The following AK5 variants were observed in gnomAD, a reference collection of about 807,000 sequenced individuals.
The protein encoded by AK5 is adenylate kinase isoenzyme 5.
In AK5, 27 loss-of-function variants were observed where a neutral mutation model predicts 69.5. The observed-to-expected ratio is 0.39, with a 90% confidence interval of 0.29 to 0.54. The LOEUF is 0.54. Ranked by LOEUF, AK5 falls within the 20% of genes least tolerant of loss-of-function variation. The pLI is 0.71. For synonymous variants in AK5, 260 were observed against 244.4 expected (o/e 1.06, Z -0.60); for missense variants, 531 against 700.4 (o/e 0.76, Z 2.73).
chr1:77,550,890 C>T (rs1487120870), intron 13 of AK5, among the ~76,000 whole-genome samples: 3 of 152,276 alleles, frequency 2.0e-5, no homozygotes, highest in East Asian at 3.9e-4. Flanking sequence ...TAAAAATACA[C>T]TTCAGGCCAG....
chr1:77,297,256 G>GA (rs1418378230), intron 3 of AK5, among the ~76,000 whole-genome samples: 3 of 152,116 alleles, frequency 2.0e-5, no homozygotes, highest in Non-Finnish European at 4.4e-5. Flanking sequence ...ATTTTACATA[G>GA]AAAAAAGTCA....
intron 10 of AK5, 124 bp downstream of exon 10, chr1:77,486,476 A>G (rs1441520891): frequency 1.7e-6 from 1 of 584,000 alleles, no homozygotes; most frequent in Admixed American, 3.2e-5. Flanking sequence ...CGGGCAGATC[A>G]CGAGGTCAGG....
intron 8 of AK5, among the ~76,000 whole-genome samples, chr1:77,462,236 C>T (rs1653884979): frequency 6.6e-6 from 1 of 152,212 alleles, no homozygotes; most frequent in Non-Finnish European, 1.5e-5. Flanking sequence ...AAGGAACCCT[C>T]TCACTGCCTT....
At chr1:77,307,226 G>A (rs1333770883) in intron 5 of AK5, among the ~76,000 whole-genome samples, 2 of 151,132 alleles carry the variant, frequency 1.3e-5, no homozygotes, top group African/African-American at 2.4e-5. Flanking sequence ...TTTGATGTAG[G>A]CACTTATAGC....
rs375886572 is a variant in AK5 at position 77,455,322 on chromosome 1, G to T, written c.1060-27995G>T. Among the ~76,000 whole-genome samples the T allele has an allele frequency of 7.2e-5, 11 of 152,264 alleles. No individual in the cohort carries two copies. The East Asian group carries it at 1.2e-3, about 16-fold the overall frequency. On this transcript the variant is annotated intron_variant, in intron 8 of 13. Coordinates refer to ENST00000354567, the MANE Select transcript of AK5 (RefSeq NM_174858.3). ...TTTGGGAGGTGATTAGGTCGTGAGG[G>T]CAGAGCCATCATGAAGACATGAGTG...
chr1:77,399,067 C>T (rs1344197589), intron 6 of AK5, among the ~76,000 whole-genome samples: 1 of 152,140 alleles, frequency 6.6e-6, no homozygotes, highest in East Asian at 1.9e-4. Context: ...TTGGTATTTA[C>T]TACATTGGGG....
chr1:77,346,630 G>A (rs1661929679), intron 6 of AK5, among the ~76,000 whole-genome samples: 1 of 152,066 alleles, frequency 6.6e-6, no homozygotes. Context: ...CCAAGTAGCT[G>A]GAACTACAGG....
At chr1:77,329,956 G>A (rs1390760313) in intron 5 of AK5, among the ~76,000 whole-genome samples, 1 of 152,176 alleles carries the variant, frequency 6.6e-6, no homozygotes, top group Non-Finnish European at 1.5e-5. Context: ...CTCACTAGCT[G>A]CATAGAAAAA....
intron 8 of AK5, among the ~76,000 whole-genome samples, chr1:77,443,772 A>T (rs1557597600): frequency 6.6e-6 from 1 of 150,780 alleles, no homozygotes; most frequent in East Asian, 1.9e-4. Context: ...CAAGAAAAAT[A>T]TTTTTTTCTA....
intron 13 of AK5, among the ~76,000 whole-genome samples, chr1:77,556,840 T>G (rs2100409737): frequency 1.3e-5 from 2 of 152,268 alleles, no homozygotes; most frequent in East Asian, 3.9e-4. Context: ...GTGGAGAATT[T>G]GTTAAATATA....
chr1:77,323,114 A>G (rs1369895666), intron 5 of AK5, among the ~76,000 whole-genome samples: 1 of 151,712 alleles, frequency 6.6e-6, no homozygotes, highest in Non-Finnish European at 1.5e-5. Context: ...CAGCCTCCTC[A>G]AGTAGCTGCG....
intron 6 of AK5, among the ~76,000 whole-genome samples, chr1:77,409,792 A>G (rs1318068026): frequency 6.6e-6 from 1 of 152,076 alleles, no homozygotes; most frequent in Non-Finnish European, 1.5e-5. Flanking sequence ...TGCTTTTCAT[A>G]TCTTTGTCAT....
At chr1:77,313,259 A>G (rs1310400415) in intron 5 of AK5, among the ~76,000 whole-genome samples, 1 of 152,120 alleles carries the variant, frequency 6.6e-6, no homozygotes, top group African/African-American at 2.4e-5. Flanking sequence ...CAAGGCTCAG[A>G]TGATAACTTG....
At chr1:77,555,956 G>C (rs1287035966) in intron 13 of AK5, among the ~76,000 whole-genome samples, 1 of 152,242 alleles carries the variant, frequency 6.6e-6, no homozygotes, top group Non-Finnish European at 1.5e-5. Flanking sequence ...CCATGAACAT[G>C]GCAAAGGCAA....
chr1:77,558,246 G>T (rs1406937105), intron 13 of AK5, among the ~76,000 whole-genome samples: 2 of 152,132 alleles, frequency 1.3e-5, no homozygotes, highest in Admixed American at 6.5e-5. Context: ...AAAAAGTATG[G>T]TAAGAGTATG....
intron 5 of AK5, among the ~76,000 whole-genome samples, chr1:77,325,623 C>T (rs1470093358): frequency 6.6e-6 from 1 of 152,078 alleles, no homozygotes; most frequent in Non-Finnish European, 1.5e-5. Context: ...TGCTGGTCTC[C>T]ATTTTGGGAC....
intron 8 of AK5, among the ~76,000 whole-genome samples, chr1:77,455,774 C>T (rs1449048657): frequency 1.3e-5 from 2 of 152,100 alleles, no homozygotes; most frequent in East Asian, 3.8e-4. Context: ...CCCACGTTCA[C>T]GCCCCACCCC....
chr1:77,395,766 A>T (rs1648787869), intron 6 of AK5, among the ~76,000 whole-genome samples: 1 of 152,222 alleles, frequency 6.6e-6, no homozygotes, highest in Non-Finnish European at 1.5e-5. Flanking sequence ...ACACATATAA[A>T]CAGGTTTCGA....
intron 10 of AK5, among the ~76,000 whole-genome samples, chr1:77,504,349 A>G (rs1418621014): frequency 1.3e-5 from 2 of 152,182 alleles, no homozygotes; most frequent in African/African-American, 4.8e-5. Flanking sequence ...TGTATCAACA[A>G]TAACAAAATC....
Sources: allele counts gnomAD v4.1 joint callset (sites outside exome capture counted in the v4.1 genomes callset), GRCh38; gene constraint gnomAD v4.1.1; transcripts MANE v1.5; gene names NCBI Gene and HGNC (gene_info 2026-07-23, HGNC 2026-07-21).